Variants in SCN8A observed in about 807,000 individuals in gnomAD.
The protein encoded by SCN8A is sodium channel protein type 8 subunit alpha.
A neutral mutation model predicts 184.1 loss-of-function variants in SCN8A; 30 were observed. The ratio of observed to expected loss-of-function variants is 0.16; its 90% CI spans 0.12 to 0.22. SCN8A has a LOEUF of 0.22. Ranked by LOEUF, SCN8A falls within the 10% of genes least tolerant of loss-of-function variation. The pLI is 1.00. For missense variants in SCN8A, 1,057 were observed against 2,498.9 expected (o/e 0.42, Z 12.30); for synonymous variants, 852 against 907.0 (o/e 0.94, Z 1.09).
rs1052362808 is a variant in SCN8A at position 51,805,112 on chromosome 12, A to C, written c.4796-1170A>C. ...ATATGTGCACAAATCTGGAAAAAAA[A>C]CCTAATCATTCTTGAGTAGAAAAAC... On this transcript the variant is annotated intron_variant, in intron 26 of 26. Transcript: ENST00000627620. 2.6e-5 allele frequency among the ~76,000 whole-genome samples: 4 copies of C among 152,174 alleles called. No individual in the cohort carries two copies. In the South Asian group the frequency reaches 8.3e-4, roughly 32 times the overall value.
chr12:51,786,698 A>G lies in SCN8A; in HGVS notation c.4099A>G (p.Ile1367Val). The change falls in exon 22 of 27, where the codon ATT (isoleucine) becomes GTT (valine). Residue 1367 changes from isoleucine (I) to valine (V), a missense_variant. This residue lies in a region of SCN8A where 13 missense variants were observed against 20.0 expected (regional missense o/e 0.65). Transcript: ENST00000627620. Reference sequence around the variant, plus strand: ...TGAGACTTCTGAAATCCGATTTGAAATTGAAGATGTCAACAATAAAACTGA... The same window carrying G: ...TGAGACTTCTGAAATCCGATTTGAAGTTGAAGATGTCAACAATAAAACTGA... ...FNETSEIRFE[I>V]EDVNNKTECE... is the part of the protein sequence containing the mutation. 3 of 1,614,040 alleles carry G rather than the reference A, an allele frequency of 1.9e-6. No individual in the cohort carries two copies. The highest frequency in any genetic ancestry group is 2.5e-6 in the Non-Finnish European group (3 of 1,179,896).
chr12:51,663,127 C>G (rs1565878576), intron 2 of SCN8A, 34 bp downstream of exon 2: 1 of 1,608,210 alleles, frequency 6.2e-7, no homozygotes, highest in East Asian at 2.2e-5. Flanking sequence ...CTGCAGATAC[C>G]TGTTTCCTAA....
chr12:51,764,293 A>G (rs1370305711), intron 15 of SCN8A, among the ~76,000 whole-genome samples: 1 of 152,222 alleles, frequency 6.6e-6, no homozygotes, highest in Non-Finnish European at 1.5e-5. Context: ...TGATGATCTC[A>G]TAATTATAAT....
intron 26 of SCN8A, among the ~76,000 whole-genome samples, chr12:51,803,778 G>A (rs1486874557): frequency 6.6e-6 from 1 of 152,050 alleles, no homozygotes; most frequent in Non-Finnish European, 1.5e-5. Flanking sequence ...AATCATCATG[G>A]GTGGGTCCTG....
chr12:51,702,737 T>C lies in SCN8A; in HGVS notation c.993-36T>C, dbSNP rs199743173. On this transcript the variant is annotated intron_variant, in intron 8 of 26. Coordinates refer to ENST00000627620, the MANE Select transcript of SCN8A (RefSeq NM_001330260.2). ...CCAAGGTCATGGCTGGGTGGAATTA[T>C]GTTGAAAAGTCCTGAACTTCCCTTT... 231 of 1,501,730 alleles carry C rather than the reference T, an allele frequency of 1.5e-4. No individual in the cohort carries two copies. In the African/African-American group the frequency reaches 2.7e-3, roughly 18 times the overall value. The allele number at this position is 1,501,730 out of a possible 1,614,324, so 93.0% of individuals were successfully genotyped here.
chr12:51,721,967 G>A (rs757370262), intron 12 of SCN8A, 59 bp downstream of exon 12: 4 of 1,598,892 alleles, frequency 2.5e-6, no homozygotes, highest in Non-Finnish European at 1.7e-6. Flanking sequence ...AATAGATCGA[G>A]GCTAGGCATG....
rs1377093609 is a variant in SCN8A at position 51,794,568 on chromosome 12, T to G, written c.4722T>G (p.Phe1574Leu). Residue 1574 changes from phenylalanine (F) to leucine (L), a missense_variant, in exon 26 of 27, where the codon TTT (phenylalanine) becomes TTG (leucine). Around this residue, in one of 19 missense-constraint regions of SCN8A, gnomAD observed 34 missense variants for 64.0 expected, o/e 0.53. Transcript: ENST00000627620. Reference sequence around the variant, plus strand: ...CCTGTGAGTGTGTGCTCAAAATGTTTGCGTTGAGGCACTACTACTTCACCA... The same window carrying G: ...CCTGTGAGTGTGTGCTCAAAATGTTGGCGTTGAGGCACTACTACTTCACCA... The part of the protein sequence containing the change: ...FFTCECVLKM[F>L]ALRHYYFTIG... 52 of 1,614,012 alleles carry G rather than the reference T, an allele frequency of 3.2e-5. No individual in the cohort carries two copies. The highest frequency in any genetic ancestry group is 4.4e-5 in the Non-Finnish European group (52 of 1,179,892).
At chr12:51,748,589 T>C (rs1368611553) in intron 13 of SCN8A, among the ~76,000 whole-genome samples, 1 of 152,212 alleles carries the variant, frequency 6.6e-6, no homozygotes, top group African/African-American at 2.4e-5. Flanking sequence ...AGTGATGTAC[T>C]TGACATTATT....
At chr12:51,694,203 G>T (rs1941557537) in intron 6 of SCN8A, among the ~76,000 whole-genome samples, 1 of 152,202 alleles carries the variant, frequency 6.6e-6, no homozygotes, top group South Asian at 2.1e-4. Context: ...AAAGTGCTGA[G>T]ATTACAAGTG....
chr12:51,795,010 G>A (rs1253241167), intron 26 of SCN8A, among the ~76,000 whole-genome samples: 1 of 152,202 alleles, frequency 6.6e-6, no homozygotes, highest in African/African-American at 2.4e-5. Flanking sequence ...TGATTGCTAA[G>A]TTGGCCATTA....
At chr12:51,643,757 A>G (rs1375441772) in intron 1 of SCN8A, among the ~76,000 whole-genome samples, 1 of 152,180 alleles carries the variant, frequency 6.6e-6, no homozygotes, top group Non-Finnish European at 1.5e-5. Context: ...ACTTCCACTG[A>G]TTGAAAACAA....
At chr12:51,608,851 T>C (rs556191797) in intron 1 of SCN8A, among the ~76,000 whole-genome samples, 1 of 152,336 alleles carries the variant, frequency 6.6e-6, no homozygotes, top group South Asian at 2.1e-4. Context: ...TCTTACAGTC[T>C]TTTTGATGTA....
chr12:51,682,041 T>A (rs1470079064), intron 2 of SCN8A, among the ~76,000 whole-genome samples: 1 of 152,336 alleles, frequency 6.6e-6, no homozygotes, highest in South Asian at 2.1e-4. Context: ...ACTTTTATTA[T>A]GAAAGGTGTT....
At chr12:51,656,664 G>A (rs374920529) in intron 1 of SCN8A, among the ~76,000 whole-genome samples, 1 of 152,076 alleles carries the variant, frequency 6.6e-6, no homozygotes. Flanking sequence ...TGTCTAAATG[G>A]CCAATCAACC....
intron 26 of SCN8A, among the ~76,000 whole-genome samples, chr12:51,796,268 G>A (rs1177782075): frequency 6.6e-6 from 1 of 152,154 alleles, no homozygotes; most frequent in Admixed American, 6.5e-5. Flanking sequence ...CATGTGGCTG[G>A]TAAGTGAGCA....
intron 12 of SCN8A, among the ~76,000 whole-genome samples, chr12:51,739,122 C>T (rs1038486549): frequency 6.6e-6 from 1 of 152,084 alleles, no homozygotes; most frequent in Admixed American, 6.6e-5. Flanking sequence ...CTCTATCTGG[C>T]GGCCTGACTT....
In SCN8A at chr12:51,774,299, A is replaced by G. The variant is rs1942975002; in HGVS notation, c.3756A>G (p.Thr1252=). The G allele has an allele frequency of 6.2e-7, 1 of 1,613,974 alleles. No individual in the cohort carries two copies. Among genetic ancestry groups the G allele is most frequent in the Non-Finnish European group, 8.5e-7 (1 of 1,179,966 alleles). ...IFILEMLLKW[T]AYGFVKFFTN... is the part of the protein sequence containing the mutation. The stretch of plus-strand genomic sequence containing the variant: ...TCCTGGAGATGTTGCTCAAGTGGAC[A>G]GCCTATGGCTTCGTCAAGTTCTTCA... Residue 1252 remains threonine, a synonymous_variant, in exon 20 of 27, where the codon ACA becomes ACG. Transcript: ENST00000627620.
At chr12:51,726,489 G>A (rs1384902042) in intron 12 of SCN8A, among the ~76,000 whole-genome samples, 1 of 152,144 alleles carries the variant, frequency 6.6e-6, no homozygotes, top group Non-Finnish European at 1.5e-5. Context: ...CTGAATCCAA[G>A]CAATCTAACT....
Position 51,721,925 on chromosome 12 carries a change from C to A in SCN8A, c.1998+17C>A. ...CTGCCAGAGGTGAAAATTGATAAGG[C>A]AGCTACCGATGACAGTGTAAGGAAG... On this transcript the variant is annotated intron_variant, in intron 12 of 26. Coordinates refer to ENST00000627620, the MANE Select transcript of SCN8A (RefSeq NM_001330260.2). The A allele has an allele frequency of 6.3e-7, 1 of 1,599,680 alleles. No homozygotes were observed. Among genetic ancestry groups the A allele is most frequent in the African/African-American group, 1.3e-5 (1 of 75,046 alleles).
Sources: allele counts gnomAD v4.1 joint callset (sites outside exome capture counted in the v4.1 genomes callset), GRCh38; gene constraint gnomAD v4.1.1; regional missense constraint gnomAD v4.1.1; transcripts MANE v1.5; gene names NCBI Gene and HGNC (gene_info 2026-07-23, HGNC 2026-07-21).